SMYD3: variants seen among roughly 807,000 people sequenced by gnomAD.
The protein encoded by SMYD3 is SET and MYND domain containing 3.
A neutral mutation model predicts 57.7 loss-of-function variants in SMYD3; 36 were observed. The observed-to-expected ratio is 0.62, with a 90% confidence interval of 0.48 to 0.82. The LOEUF is 0.82. Ranked by LOEUF, SMYD3 falls within the 40% of genes least tolerant of loss-of-function variation. The probability of loss-of-function intolerance (pLI) is 0.00; values close to 1 mark genes in which losing one functional copy is unlikely to be tolerated. For synonymous variants in SMYD3, 211 were observed against 195.0 expected (o/e 1.08, Z -0.68); for missense variants, 515 against 538.8 (o/e 0.96, Z 0.44).
chr1:246,024,060 C>G (rs1242932398), intron 5 of SMYD3, among the ~76,000 whole-genome samples: 2 of 152,036 alleles, frequency 1.3e-5, no homozygotes, highest in African/African-American at 4.8e-5. Flanking sequence ...AGCAAATGTC[C>G]TGGCCAGGTA....
At chr1:245,856,523 G>A (rs976974835) in intron 10 of SMYD3, among the ~76,000 whole-genome samples, 2 of 152,294 alleles carry the variant, frequency 1.3e-5, no homozygotes, top group South Asian at 2.1e-4. Context: ...TCTGGTGGAG[G>A]ACTTGGCCTC....
At chr1:246,503,905 G>C (rs1304352612) in intron 1 of SMYD3, among the ~76,000 whole-genome samples, 1 of 141,256 alleles carries the variant, frequency 7.1e-6, no homozygotes, top group Non-Finnish European at 1.5e-5. Context: ...GGTGAGCCAA[G>C]ATCACACCAT....
intron 1 of SMYD3, among the ~76,000 whole-genome samples, chr1:246,366,671 C>T (rs1368271213): frequency 3.3e-5 from 5 of 151,732 alleles, no homozygotes; most frequent in Non-Finnish European, 7.4e-5. Context: ...TGGCCAGGCA[C>T]GGTAGCTCAC....
At position 246,333,360 on chromosome 1, in the gene SMYD3, G is replaced by A. The variant is rs1216106129; in HGVS notation, c.336+2007C>T. Reference sequence around the variant, plus strand: ...TCAGTCTTGGCAAAGAATTTATGATGAGTCCTCAAAAGCAACTGCAACAAA... The same window carrying A: ...TCAGTCTTGGCAAAGAATTTATGATAAGTCCTCAAAAGCAACTGCAACAAA... On this transcript the variant is annotated intron_variant, in intron 3 of 11. Transcript: ENST00000490107. Among the ~76,000 whole-genome samples the A allele has an allele frequency of 3.3e-5, 5 of 152,104 alleles. No homozygotes were observed. The East Asian group carries it at 7.7e-4, about 23-fold the overall frequency.
intron 5 of SMYD3, among the ~76,000 whole-genome samples, chr1:246,200,410 T>C (rs2062900019): frequency 6.6e-6 from 1 of 150,664 alleles, no homozygotes. Flanking sequence ...AGCAAGAATG[T>C]AAACAGACGC....
intron 1 of SMYD3, among the ~76,000 whole-genome samples, chr1:246,407,893 G>A (rs529208558): frequency 6.6e-6 from 1 of 151,324 alleles, no homozygotes; most frequent in Non-Finnish European, 1.5e-5. Flanking sequence ...CACTCTTGAG[G>A]AGGCTGGGAA....
At chr1:246,167,156 T>C (rs1018696469) in intron 5 of SMYD3, among the ~76,000 whole-genome samples, 7 of 152,238 alleles carry the variant, frequency 4.6e-5, no homozygotes, top group East Asian at 1.9e-4. Context: ...ATTGTATGGA[T>C]AGATCACAAT....
At chr1:246,152,285 T>C (rs2061952897) in intron 5 of SMYD3, among the ~76,000 whole-genome samples, 1 of 152,152 alleles carries the variant, frequency 6.6e-6, no homozygotes, top group Non-Finnish European at 1.5e-5. Flanking sequence ...GAAGAGAGTG[T>C]TTGTTAACAC....
intron 1 of SMYD3, among the ~76,000 whole-genome samples, chr1:246,433,656 C>A (rs1392277307): frequency 6.6e-6 from 1 of 152,154 alleles, no homozygotes; most frequent in African/African-American, 2.4e-5. Flanking sequence ...GCAAGGCTGG[C>A]TCCGTCTCGA....
At chr1:245,998,045 G>A (rs1253200855) in intron 5 of SMYD3, among the ~76,000 whole-genome samples, 1 of 152,188 alleles carries the variant, frequency 6.6e-6, no homozygotes, top group Non-Finnish European at 1.5e-5. Context: ...ATTCCTCCAG[G>A]GAAAACGCTG....
chr1:246,134,140 A>ATG (rs2061630387), intron 5 of SMYD3, among the ~76,000 whole-genome samples: 2 of 152,148 alleles, frequency 1.3e-5, no homozygotes, highest in South Asian at 4.1e-4. Flanking sequence ...ATGTCAGCTC[A>ATG]CTTTGTCACC....
intron 5 of SMYD3, among the ~76,000 whole-genome samples, chr1:245,994,156 C>T (rs1456112555): frequency 6.6e-6 from 1 of 152,204 alleles, no homozygotes; most frequent in Non-Finnish European, 1.5e-5. Flanking sequence ...GTTTCTGTTA[C>T]TCTTATCTTT....
At chr1:246,207,330 C>T (rs2063015489) in intron 5 of SMYD3, among the ~76,000 whole-genome samples, 1 of 152,110 alleles carries the variant, frequency 6.6e-6, no homozygotes. Flanking sequence ...TTCTCTTTTA[C>T]TTACACTGCC....
intron 5 of SMYD3, among the ~76,000 whole-genome samples, chr1:246,296,139 C>T (rs942157993): frequency 6.6e-6 from 1 of 152,188 alleles, no homozygotes; most frequent in East Asian, 1.9e-4. Context: ...TTAGGCCGCT[C>T]TGAGTCTGGA....
chr1:246,240,268 T>A (rs2063584934), intron 5 of SMYD3, among the ~76,000 whole-genome samples: 1 of 152,218 alleles, frequency 6.6e-6, no homozygotes, highest in African/African-American at 2.4e-5. Flanking sequence ...AATTTTTGTA[T>A]AAGGTGTAAG....
At chr1:246,087,363 T>A (rs1028334969) in intron 5 of SMYD3, among the ~76,000 whole-genome samples, 1 of 152,168 alleles carries the variant, frequency 6.6e-6, no homozygotes, top group Non-Finnish European at 1.5e-5. Flanking sequence ...TCCTTAATCA[T>A]CTCTAGAACC....
At chr1:246,073,452 C>G (rs1200880216) in intron 5 of SMYD3, among the ~76,000 whole-genome samples, 1 of 152,264 alleles carries the variant, frequency 6.6e-6, no homozygotes, top group East Asian at 1.9e-4. Flanking sequence ...GCTAGTGAAT[C>G]ACACCTATAA....
At chr1:246,498,600 G>A (rs1313998088) in intron 1 of SMYD3, among the ~76,000 whole-genome samples, 2 of 151,802 alleles carry the variant, frequency 1.3e-5, no homozygotes, top group Admixed American at 6.6e-5. Flanking sequence ...GCGTGATGGC[G>A]GGTGCCTGTA....
chr1:246,310,903 C>T (rs1334184728), intron 5 of SMYD3, among the ~76,000 whole-genome samples: 1 of 151,766 alleles, frequency 6.6e-6, no homozygotes, highest in Admixed American at 6.6e-5. Context: ...CTCCTGACCT[C>T]GTGATCCACC....
Sources: allele counts gnomAD v4.1 joint callset (sites outside exome capture counted in the v4.1 genomes callset), GRCh38; gene constraint gnomAD v4.1.1; transcripts MANE v1.5; gene names NCBI Gene and HGNC (gene_info 2026-07-23, HGNC 2026-07-21).